Variants in LIPC observed in about 807,000 individuals in gnomAD.
The protein encoded by LIPC is hepatic triacylglycerol lipase.
Under a neutral mutation model 50.7 loss-of-function variants are expected in LIPC, and 44 were observed. The observed-to-expected ratio is 0.87, with a 90% CI of 0.68 to 1.11. The LOEUF is 1.11. LIPC is among the 50% of genes most tolerant of loss of function. The pLI, the probability that LIPC is intolerant of heterozygous loss-of-function variation, is 0.00. For missense variants in LIPC, 697 were observed against 648.2 expected (o/e 1.08, Z -0.82); for synonymous variants, 271 against 256.4 (o/e 1.06, Z -0.54).
chr15:58,520,214 T>G lies in LIPC; in HGVS notation c.89-18119T>G, dbSNP rs1416663860. On this transcript the variant is annotated intron_variant, in intron 1 of 8. Coordinates refer to ENST00000299022, the MANE Select transcript of LIPC (RefSeq NM_000236.3). ...CATGGAAACCTTCCTACAAACAGAATCTCAAGCAGCAAATGTTAAAACCTA... is the reference window on the plus strand; with the variant it reads ...CATGGAAACCTTCCTACAAACAGAAGCTCAAGCAGCAAATGTTAAAACCTA... 2.7e-5 allele frequency among the ~76,000 whole-genome samples: 4 copies of G among 149,898 alleles called. No homozygotes were observed. The East Asian group carries it at 8.1e-4, about 30-fold the overall frequency.
chr15:58,541,925 C>T lies in LIPC; in HGVS notation c.414C>T (p.Arg138=). 2.5e-6 allele frequency: 4 copies of T among 1,611,960 alleles called. No homozygotes were observed. Among genetic ancestry groups the T allele is most frequent in the South Asian group, 1.1e-5 (1 of 90,914 alleles). ...DHYTIAVRNT[R]LVGKEVAALL... The stretch of plus-strand genomic sequence containing the variant: ...ACACCATCGCCGTCCGCAACACCCG[C>T]CTTGTGGGCAAGGAGGTCGCGGCTC... Residue 138 remains arginine (R), a synonymous_variant, in exon 3 of 9, where the codon CGC becomes CGT. Transcript: ENST00000299022.
intron 1 of LIPC, among the ~76,000 whole-genome samples, chr15:58,511,891 G>A (rs1173730496): frequency 6.6e-6 from 1 of 152,096 alleles, no homozygotes; most frequent in African/African-American, 2.4e-5. Flanking sequence ...GTGGGGGAGT[G>A]TTCAAGACAA....
In LIPC at chr15:58,568,930, G is replaced by T. The variant is rs939863679; in HGVS notation, c.*103G>T. 4.6e-6 allele frequency: 3 copies of T among 659,114 alleles called. No homozygotes were observed. Among genetic ancestry groups the T allele is most frequent in the South Asian group, 2.1e-5 (1 of 47,582 alleles). 40.8% of individuals were successfully genotyped at this position (659,114 alleles called of 1,614,324 possible). On this transcript the variant is annotated 3_prime_UTR_variant, in exon 9 of 9. Coordinates refer to ENST00000299022, the MANE Select transcript of LIPC (RefSeq NM_000236.3). ...AATTACATAAAGAATCTCACACAAA[G>T]CTTAAATAAAGTTTAGATTTAAGGG...
chr15:58,557,445 C>T (rs1430412298), intron 6 of LIPC, among the ~76,000 whole-genome samples: 3 of 124,546 alleles, frequency 2.4e-5, no homozygotes, highest in South Asian at 2.7e-4. Flanking sequence ...AGCGCAGTGG[C>T]GCGATCTCAG....
At chr15:58,520,770 C>A (rs572558297) in intron 1 of LIPC, among the ~76,000 whole-genome samples, 1 of 152,190 alleles carries the variant, frequency 6.6e-6, no homozygotes, top group East Asian at 1.9e-4. Context: ...CCGCTTAATA[C>A]GACACTTCCC....
chr15:58,550,751 C>T (rs1407847240), intron 6 of LIPC, among the ~76,000 whole-genome samples: 2 of 151,108 alleles, frequency 1.3e-5, no homozygotes, highest in Non-Finnish European at 2.9e-5. Flanking sequence ...GGTCAGGAAC[C>T]GAAAGCCCCA....
chr15:58,474,200 T>A (rs1890903869), intron 1 of LIPC, among the ~76,000 whole-genome samples: 1 of 152,162 alleles, frequency 6.6e-6, no homozygotes, highest in Non-Finnish European at 1.5e-5. Flanking sequence ...CCCTGGGAAG[T>A]GCATCCTCTC....
At chr15:58,471,334 G>GGT (rs1555399333) in intron 1 of LIPC, among the ~76,000 whole-genome samples, 3 of 138,502 alleles carry the variant, frequency 2.2e-5, no homozygotes, top group African/African-American at 8.3e-5. Context: ...GAGATGGGGG[G>GGT]GGGTGGTCTC....
At chr15:58,532,000 A>G (rs1289426087) in intron 1 of LIPC, among the ~76,000 whole-genome samples, 3 of 152,198 alleles carry the variant, frequency 2.0e-5, no homozygotes, top group Non-Finnish European at 4.4e-5. Flanking sequence ...GTTCGACATT[A>G]TAGTGAAGTG....
intron 1 of LIPC, among the ~76,000 whole-genome samples, chr15:58,488,569 T>C (rs923935622): frequency 2.0e-5 from 3 of 152,228 alleles, no homozygotes; most frequent in African/African-American, 7.2e-5. Context: ...CTTTCCTATA[T>C]GAACCTGGAA....
intron 1 of LIPC, among the ~76,000 whole-genome samples, chr15:58,533,581 T>C (rs1192250371): frequency 2.6e-5 from 4 of 152,148 alleles, no homozygotes; most frequent in Non-Finnish European, 5.9e-5. Context: ...TCAACAATAG[T>C]GGAATAAGTA....
rs758719680 is a variant in LIPC at position 58,548,327 on chromosome 15, C to T, written c.809-3C>T. The T allele has an allele frequency of 3.7e-6, 6 of 1,614,036 alleles. No homozygotes were observed. In the South Asian group the frequency reaches 5.5e-5, roughly 15 times the overall value. On this transcript the variant is annotated splice_region_variant and splice_polypyrimidine_tract_variant and intron_variant, in intron 5 of 8. Coordinates refer to ENST00000299022, the MANE Select transcript of LIPC (RefSeq NM_000236.3). ...ATAACGTCCTTCTTGCCCTGTGTTC[C>T]AGCCATCACCCAGACCATAAAATGC...
intron 6 of LIPC, among the ~76,000 whole-genome samples, chr15:58,557,054 C>A (rs866157142): frequency 6.6e-6 from 1 of 152,118 alleles, no homozygotes; most frequent in African/African-American, 2.4e-5. Flanking sequence ...AATGTTAGGA[C>A]ATTTTTTAAC....
At chr15:58,471,329 G>GCGGA (rs35029529) in intron 1 of LIPC, among the ~76,000 whole-genome samples, 2 of 7,368 alleles carry the variant, frequency 2.7e-4, no homozygotes, top group South Asian at 6.3e-3. Flanking sequence ...TAGTAGAGAT[G>GCGGA]GGGGGGGGTG....
intron 1 of LIPC, among the ~76,000 whole-genome samples, chr15:58,536,385 A>T (rs11071387): frequency 0.4 from 61,008 of 151,932 alleles, 13,043 homozygotes; most frequent in Middle Eastern, 0.49. Context: ...TAACAGGTAT[A>T]GTCATTTCTG....
At chr15:58,472,679 G>C (rs2140747872) in intron 1 of LIPC, among the ~76,000 whole-genome samples, 1 of 151,798 alleles carries the variant, frequency 6.6e-6, no homozygotes, top group African/African-American at 2.4e-5. Context: ...AAAACAAATT[G>C]TATAAATTTA....
At chr15:58,512,850 T>C (rs577854823) in intron 1 of LIPC, among the ~76,000 whole-genome samples, 1 of 151,694 alleles carries the variant, frequency 6.6e-6, no homozygotes, top group African/African-American at 2.4e-5. Flanking sequence ...CTGACAGCCA[T>C]AAAATGATGA....
At chr15:58,432,196 T>A in intron 1 of LIPC, 76 bp downstream of exon 1, 2 of 1,106,528 alleles carry the variant, frequency 1.8e-6, no homozygotes, top group Non-Finnish European at 1.4e-6. Flanking sequence ...AATCCAGGGG[T>A]TTCTGACTGT....
chr15:58,481,246 A>T (rs1891179261), intron 1 of LIPC, among the ~76,000 whole-genome samples: 1 of 152,188 alleles, frequency 6.6e-6, no homozygotes, highest in Non-Finnish European at 1.5e-5. Context: ...TCTTCAGGGG[A>T]CAGAGTGACA....
Sources: gnomAD v4.1 joint callset for allele counts (sites outside exome capture counted in the v4.1 genomes callset) on GRCh38, gnomAD v4.1.1 for gene constraint, MANE v1.5 for transcripts, NCBI Gene and HGNC (gene_info 2026-07-23, HGNC 2026-07-21) for gene names.